The following DRC7 variants were observed in gnomAD, a reference collection of about 807,000 sequenced individuals.
The protein encoded by DRC7 is coiled-coil domain containing 135.
DRC7 carries 80 observed loss-of-function variants against 104.4 expected under a neutral mutation model. The observed-to-expected ratio is 0.77, with a 90% confidence interval of 0.64 to 0.92. The LOEUF is 0.92. Ranked by LOEUF, DRC7 falls within the 40% of genes least tolerant of loss-of-function variation. The pLI, the probability that DRC7 is intolerant of heterozygous loss-of-function variation, is 0.00. For missense variants in DRC7, 1,034 were observed against 1,141.1 expected (o/e 0.91, Z 1.35); for synonymous variants, 405 against 447.3 (o/e 0.91, Z 1.19).
chr16:57,719,035 C>A (rs1489985456), intron 9 of DRC7, among the ~76,000 whole-genome samples: 1 of 147,734 alleles, frequency 6.8e-6, no homozygotes, highest in African/African-American at 2.5e-5. Context: ...AGAGCGGGGT[C>A]ATAACACCCC....
chr16:57,723,868 A>T (rs1360370912), intron 12 of DRC7, among the ~76,000 whole-genome samples: 3 of 152,038 alleles, frequency 2.0e-5, no homozygotes, highest in Admixed American at 2.0e-4. Flanking sequence ...CCAATAAAGG[A>T]CCATCTTATA....
intron 7 of DRC7, 34 bp downstream of exon 7, chr16:57,705,068 C>A: frequency 6.2e-7 from 1 of 1,602,016 alleles, no homozygotes; most frequent in Non-Finnish European, 8.5e-7. Flanking sequence ...CTGGGCTCAG[C>A]TATCGAGAAA....
chr16:57,700,286 A>G lies in DRC7; in HGVS notation c.504+16A>G. 1.2e-6 allele frequency: 2 copies of G among 1,608,810 alleles called. No homozygotes were observed. The highest frequency in any genetic ancestry group is 8.5e-7 in the Non-Finnish European group (1 of 1,176,178). On this transcript the variant is annotated intron_variant, in intron 5 of 18. Coordinates refer to ENST00000360716, the MANE Select transcript of DRC7 (RefSeq NM_001289162.2). The stretch of plus-strand genomic sequence containing the variant: ...TCTCAAGCCGGTAAGCACCACTCAC[A>G]GGCTGCATGCCTGAGCCCACCAGGA...
rs146700123 is a variant in DRC7 at position 57,699,127 on chromosome 16, G to T, written c.378+103G>T. On this transcript the variant is annotated intron_variant, in intron 4 of 18. Coordinates refer to ENST00000360716, the MANE Select transcript of DRC7 (RefSeq NM_001289162.2). ...CTCCAAGGTCACTGGGCCAAATCAC[G>T]GACCTCCTGTGGGCCAGAGCGCTTC... 590 of 1,382,062 alleles carry T rather than the reference G, an allele frequency of 4.3e-4. 1 individual carries two copies. In the African/African-American group the frequency reaches 7.4e-3, roughly 17 times the overall value. 85.6% of individuals were successfully genotyped at this position (1,382,062 alleles called of 1,614,324 possible).
At chr16:57,705,638 TCCTC>T in intron 7 of DRC7, among the ~76,000 whole-genome samples, 1 of 129,074 alleles carries the variant, frequency 7.7e-6, no homozygotes, top group East Asian at 2.7e-4. Flanking sequence ...CATCCATCCA[TCCTC>T]CCACCCATCC....
intron 4 of DRC7, among the ~76,000 whole-genome samples, chr16:57,699,447 C>G (rs543861609): frequency 6.6e-6 from 1 of 152,138 alleles, no homozygotes; most frequent in Non-Finnish European, 1.5e-5. Context: ...CTGTTTCCCA[C>G]CCCCTGGATG....
In DRC7 at chr16:57,724,602, G is replaced by A. The variant is rs550975588; in HGVS notation, c.1538-13G>A. The A allele has an allele frequency of 1.4e-5, 23 of 1,590,220 alleles. No individual in the cohort carries two copies. Among genetic ancestry groups the A allele is most frequent in the Admixed American group, 1.7e-5 (1 of 59,096 alleles). ...ATGAAGCTGTCTCCTCCCAACTCCC[G>A]CTCCCCACCCAGTGCACTCGTACAA... On this transcript the variant is annotated splice_polypyrimidine_tract_variant and intron_variant, in intron 12 of 18. Transcript: ENST00000360716.
chr16:57,703,200 CAAAAAAAAAAAAA>C lies in DRC7; in HGVS notation c.699+1084_699+1096del, dbSNP rs71152293. ...GGCCCTCAAGGCCCCTTTTTAATAG[CAAAAAAAAAAAAA>C]AAAAAAAAAAAAATCACCAACTGTT... On this transcript the variant is annotated intron_variant, in intron 6 of 18. Coordinates refer to ENST00000360716, the MANE Select transcript of DRC7 (RefSeq NM_001289162.2). 3.2e-5 allele frequency among the ~76,000 whole-genome samples: 2 copies of C among 62,922 alleles called. 1 individual carries two copies. The highest frequency in any genetic ancestry group is 9.7e-4 in the East Asian group (2 of 2,066). The allele number at this position is 62,922 out of a possible 152,430, so 41.3% of individuals were successfully genotyped here.
At chr16:57,703,126 G>A (rs563849963) in intron 6 of DRC7, among the ~76,000 whole-genome samples, 1 of 139,992 alleles carries the variant, frequency 7.1e-6, no homozygotes, top group Non-Finnish European at 1.5e-5. Flanking sequence ...CAATCCTCCC[G>A]CCTCAGCCTT....
chr16:57,707,031 A>G (rs1201855441), intron 7 of DRC7, among the ~76,000 whole-genome samples: 4 of 151,816 alleles, frequency 2.6e-5, no homozygotes, highest in African/African-American at 7.3e-5. Flanking sequence ...CTTTCCTTCC[A>G]TAGAGTATTC....
intron 2 of DRC7, among the ~76,000 whole-genome samples, 184 bp downstream of exon 2, chr16:57,696,778 G>C (rs1379603373): frequency 5.3e-5 from 8 of 152,320 alleles, no homozygotes; most frequent in African/African-American, 1.9e-4. Context: ...TGTATGCCCT[G>C]GTGCAGGCAC....
In DRC7 at chr16:57,722,707, C is replaced by T; in HGVS notation, c.1280-6C>T. The T allele has an allele frequency of 2.5e-6, 4 of 1,613,484 alleles. No individual in the cohort carries two copies. The highest frequency in any genetic ancestry group is 3.4e-6 in the Non-Finnish European group (4 of 1,179,942). On this transcript the variant is annotated splice_polypyrimidine_tract_variant and splice_region_variant and intron_variant, in intron 10 of 18. Transcript: ENST00000360716. The stretch of plus-strand genomic sequence containing the variant: ...AAGAAGAGACCACAGCTGACTGTGT[C>T]CACAGCATTTGAGACCCGCTGCCCG...
chr16:57,695,431 T>A (rs182603486), intron 1 of DRC7, among the ~76,000 whole-genome samples: 270 of 152,300 alleles, frequency 1.8e-3, no homozygotes, highest in Non-Finnish European at 2.9e-3. Flanking sequence ...AGTGTCTGCC[T>A]CATAGAGTCA....
intron 4 of DRC7, among the ~76,000 whole-genome samples, 192 bp downstream of exon 4, chr16:57,699,216 T>C (rs1336328859): frequency 6.6e-6 from 1 of 152,162 alleles, no homozygotes; most frequent in African/African-American, 2.4e-5. Context: ...CAGATTACCC[T>C]GGAGGGCGGT....
At chr16:57,727,541 C>T in intron 16 of DRC7, 132 bp downstream of exon 16, 1 of 657,098 alleles carries the variant, frequency 1.5e-6, no homozygotes, top group Non-Finnish European at 2.7e-6. Context: ...ATGCGGTCAT[C>T]CTTGCTGCTG....
intron 8 of DRC7, chr16:57,714,684 G>T: frequency 4.5e-6 from 1 of 224,372 alleles, no homozygotes; most frequent in Admixed American, 5.0e-5. Flanking sequence ...TTTCTATCGG[G>T]AATGAAATGA....
intron 2 of DRC7, 124 bp from the exon 3 acceptor site, chr16:57,697,789 C>T (rs2048611464): frequency 1.9e-6 from 2 of 1,038,858 alleles, no homozygotes; most frequent in Middle Eastern, 3.3e-4. Flanking sequence ...GAGGGAATCA[C>T]TCCCTATGTG....
intron 8 of DRC7, among the ~76,000 whole-genome samples, chr16:57,711,922 T>C (rs2048794878): frequency 6.6e-6 from 1 of 152,156 alleles, no homozygotes; most frequent in Non-Finnish European, 1.5e-5. Flanking sequence ...CCATCAAGTG[T>C]AGGGCCTGCA....
intron 8 of DRC7, among the ~76,000 whole-genome samples, chr16:57,717,496 C>T (rs1026407504): frequency 2.0e-5 from 3 of 151,024 alleles, no homozygotes; most frequent in Non-Finnish European, 2.9e-5. Flanking sequence ...GTCAGGAGTT[C>T]GAAACCAGCC....
Sources: gnomAD v4.1 joint callset for allele counts (sites outside exome capture counted in the v4.1 genomes callset) on GRCh38, gnomAD v4.1.1 for gene constraint, MANE v1.5 for transcripts, NCBI Gene and HGNC (gene_info 2026-07-23, HGNC 2026-07-21) for gene names.